The following SGCZ variants were observed in gnomAD, a reference collection of about 807,000 sequenced individuals.
The protein encoded by SGCZ is zeta-sarcoglycan.
A neutral mutation model predicts 41.3 loss-of-function variants in SGCZ; 40 were observed. The observed-to-expected ratio is 0.97, with a 90% CI of 0.75 to 1.26. The LOEUF is 1.26. SGCZ is among the 50% of genes most tolerant of loss of function. The pLI is 0.00. For missense variants in SGCZ, 552 were observed against 369.8 expected, an observed-to-expected ratio of 1.49 and a Z score of -4.04; for synonymous variants, 206 against 137.5, an observed-to-expected ratio of 1.50 and a Z score of -3.49.
rs1025913046 is a variant in SGCZ, at chr8:14,619,846, G to A, written c.40-64920C>T. Among the ~76,000 whole-genome samples the A allele has an allele frequency of 2.0e-4, 30 of 152,234 alleles. No homozygotes were observed. The South Asian group carries it at 2.7e-3, about 14-fold the overall frequency. Reference sequence around the variant, plus strand: ...CTCATGTACAGGAAGAATCAATATCGTGAAAATGGCCATACTGCCCAAGGT... The same window carrying A: ...CTCATGTACAGGAAGAATCAATATCATGAAAATGGCCATACTGCCCAAGGT... On this transcript the variant is annotated intron_variant, in intron 1 of 7. Transcript: ENST00000382080.
At position 14,361,556 on chromosome 8, in the gene SGCZ, T is replaced by G. The variant is rs889192420; in HGVS notation, c.235-37352A>C. ...AGGTCATTTAAGCTCTTCTCTACACTGGTTATTCTAGTTAGCCATTCATCT... is the reference window on the plus strand; with the variant it reads ...AGGTCATTTAAGCTCTTCTCTACACGGGTTATTCTAGTTAGCCATTCATCT... On this transcript the variant is annotated intron_variant, in intron 2 of 7. Coordinates refer to ENST00000382080, the MANE Select transcript of SGCZ (RefSeq NM_139167.4). Among the ~76,000 whole-genome samples the G allele has an allele frequency of 3.9e-5, 6 of 152,350 alleles. No homozygotes were observed. The South Asian group carries it at 1.2e-3, about 32-fold the overall frequency.
chr8:14,616,329 G>A (rs1806104870), intron 1 of SGCZ, among the ~76,000 whole-genome samples: 2 of 151,322 alleles, frequency 1.3e-5, no homozygotes, highest in African/African-American at 4.9e-5. Flanking sequence ...GACTGATGAT[G>A]CACAGATGAT....
chr8:14,929,149 G>A (rs1047101402), intron 1 of SGCZ, among the ~76,000 whole-genome samples: 19 of 152,054 alleles, frequency 1.2e-4, no homozygotes, highest in African/African-American at 2.7e-4. Context: ...GCACCACCAC[G>A]CCCAGCTAAT....
intron 3 of SGCZ, among the ~76,000 whole-genome samples, chr8:14,268,777 T>G (rs2117257101): frequency 6.6e-6 from 1 of 152,042 alleles, no homozygotes; most frequent in South Asian, 2.1e-4. Flanking sequence ...TATTGCTCAT[T>G]TAAAAAATCT....
chr8:14,338,701 T>G (rs568347194), intron 2 of SGCZ, among the ~76,000 whole-genome samples: 8 of 152,354 alleles, frequency 5.3e-5, no homozygotes, highest in African/African-American at 1.9e-4. Flanking sequence ...ATTTAGTGTT[T>G]ATTTTTGAAA....
chr8:14,908,722 C>T (rs1166666078), intron 1 of SGCZ, among the ~76,000 whole-genome samples: 1 of 134,214 alleles, frequency 7.5e-6, no homozygotes, highest in Non-Finnish European at 1.5e-5. Context: ...TGTACTCCAG[C>T]CTGGTGATCT....
At chr8:15,086,417 G>A (rs1349065385) in intron 1 of SGCZ, among the ~76,000 whole-genome samples, 1 of 152,080 alleles carries the variant, frequency 6.6e-6, no homozygotes, top group East Asian at 1.9e-4. Context: ...TTTTTTCCAT[G>A]TTTCCAAGTA....
At chr8:14,943,903 C>T (rs1369062017) in intron 1 of SGCZ, among the ~76,000 whole-genome samples, 3 of 152,060 alleles carry the variant, frequency 2.0e-5, no homozygotes, top group Non-Finnish European at 4.4e-5. Flanking sequence ...CTGCAAAGGA[C>T]GTAATCTTGT....
chr8:14,997,670 A>G (rs1802263692), intron 1 of SGCZ, among the ~76,000 whole-genome samples: 1 of 152,184 alleles, frequency 6.6e-6, no homozygotes, highest in Non-Finnish European at 1.5e-5. Flanking sequence ...ACAATTAGAA[A>G]TAGTCCTGGC....
intron 3 of SGCZ, among the ~76,000 whole-genome samples, chr8:14,296,025 C>A (rs555634412): frequency 6.6e-6 from 1 of 152,146 alleles, no homozygotes; most frequent in Middle Eastern, 3.4e-3. Flanking sequence ...AAGTTCAGAC[C>A]AGAAGGTGGA....
intron 1 of SGCZ, among the ~76,000 whole-genome samples, chr8:15,108,954 G>A (rs1317826145): frequency 3.3e-5 from 5 of 152,068 alleles, no homozygotes; most frequent in Non-Finnish European, 5.9e-5. Context: ...TTGTGAAAAC[G>A]ACTGCAAAAA....
chr8:14,501,488 G>C (rs752212811), intron 2 of SGCZ, among the ~76,000 whole-genome samples: 3 of 151,816 alleles, frequency 2.0e-5, no homozygotes, highest in Non-Finnish European at 4.4e-5. Context: ...CCATATAAAT[G>C]TATTTTAGCT....
intron 1 of SGCZ, among the ~76,000 whole-genome samples, chr8:14,889,982 G>A (rs1363142125): frequency 6.6e-6 from 1 of 152,020 alleles, no homozygotes; most frequent in Non-Finnish European, 1.5e-5. Flanking sequence ...ACCAAGGGAG[G>A]CCAAGGCAGG....
intron 2 of SGCZ, among the ~76,000 whole-genome samples, chr8:14,547,284 G>T (rs181890843): frequency 6.6e-6 from 1 of 152,060 alleles, no homozygotes; most frequent in South Asian, 2.1e-4. Context: ...AGATTAGCTC[G>T]CTCTGACAAA....
rs141406631 is a variant in SGCZ at position 15,206,739 on chromosome 8, A to T, written c.39+30846T>A. Among the ~76,000 whole-genome samples the T allele has an allele frequency of 7.9e-3, 1,205 of 152,014 alleles. 15 individuals carry two copies. Among genetic ancestry groups the T allele is most frequent in the African/African-American group, 0.023 (935 of 41,452 alleles). ...TGAGATTACAGGCGTGAGCCACTGC[A>T]CCCAGCCGGGCAGAGTCTTTAATGA... On this transcript the variant is annotated intron_variant, in intron 1 of 7. Coordinates refer to ENST00000382080, the MANE Select transcript of SGCZ (RefSeq NM_139167.4).
Position 15,061,734 on chromosome 8 carries a change from T to G in SGCZ, c.39+175851A>C, listed in dbSNP as rs528047970. Reference sequence around the variant, plus strand: ...ACCCTCATAAGACACCAAATGCCAGTGCCTTGCTCAATGACTTCCCATTCT... The same window carrying G: ...ACCCTCATAAGACACCAAATGCCAGGGCCTTGCTCAATGACTTCCCATTCT... On this transcript the variant is annotated intron_variant, in intron 1 of 7. Transcript: ENST00000382080. 2.6e-5 allele frequency among the ~76,000 whole-genome samples: 4 copies of G among 152,176 alleles called. No individual in the cohort carries two copies. The South Asian group carries it at 8.3e-4, about 32-fold the overall frequency.
intron 1 of SGCZ, among the ~76,000 whole-genome samples, chr8:14,834,430 A>T (rs567459788): frequency 6.6e-6 from 1 of 152,294 alleles, no homozygotes; most frequent in South Asian, 2.1e-4. Flanking sequence ...TTTATTTTTC[A>T]TGCTACATGT....
intron 1 of SGCZ, among the ~76,000 whole-genome samples, chr8:14,765,017 A>C (rs889021580): frequency 6.6e-6 from 1 of 152,176 alleles, no homozygotes; most frequent in Non-Finnish European, 1.5e-5. Flanking sequence ...TCAAAACAAG[A>C]TGGAAATGAA....
At chr8:14,798,286 C>A (rs896072495) in intron 1 of SGCZ, among the ~76,000 whole-genome samples, 10 of 152,136 alleles carry the variant, frequency 6.6e-5, no homozygotes, top group Admixed American at 1.3e-4. Context: ...CTTTTTCTAA[C>A]AGGAATTTGG....
Sources: allele counts gnomAD v4.1 joint callset (sites outside exome capture counted in the v4.1 genomes callset), GRCh38; gene constraint gnomAD v4.1.1; transcripts MANE v1.5; gene names NCBI Gene and HGNC (gene_info 2026-07-23, HGNC 2026-07-21).